Variants in PIGK observed in about 807,000 individuals in gnomAD.
The protein encoded by PIGK is phosphatidylinositol glycan anchor biosynthesis class K.
PIGK carries 42 observed loss-of-function variants against 50.6 expected under a neutral mutation model. The ratio of observed to expected loss-of-function variants is 0.83; its 90% CI spans 0.65 to 1.07. The LOEUF (loss-of-function observed/expected upper bound fraction) is 1.07. Among genes scored for constraint, PIGK ranks in the 50% least tolerant of loss-of-function variants. PIGK has a pLI of 0.00. For missense variants in PIGK, 448 were observed against 488.7 expected (o/e 0.92, Z 0.78); for synonymous variants, 151 against 156.0 (o/e 0.97, Z 0.24).
rs140330532 is a variant in PIGK, at chr1:77,137,223, G to A, written c.987-14864C>T. Among the ~76,000 whole-genome samples, 4 of 152,312 alleles carry A rather than the reference G, an allele frequency of 2.6e-5. No individual in the cohort carries two copies. The East Asian group carries it at 7.7e-4, about 29-fold the overall frequency. On this transcript the variant is annotated intron_variant, in intron 9 of 10. Coordinates refer to ENST00000370812, the MANE Select transcript of PIGK (RefSeq NM_005482.3). ...TCAACATCAAAAGCCCCAGAAATGT[G>A]AGATAGTATAGCCAAAATCAGAAGT...
At chr1:77,130,156 C>G (rs556880136) in intron 9 of PIGK, among the ~76,000 whole-genome samples, 1 of 141,008 alleles carries the variant, frequency 7.1e-6, no homozygotes, top group African/African-American at 2.6e-5. Flanking sequence ...CGTCACCACA[C>G]TTTTTCTTCT....
intron 6 of PIGK, among the ~76,000 whole-genome samples, chr1:77,162,799 G>A (rs1205889467): frequency 6.6e-6 from 1 of 152,104 alleles, no homozygotes; most frequent in Non-Finnish European, 1.5e-5. Context: ...TTTGTTCTGT[G>A]GCAAAATATG....
At chr1:77,167,011 CCAAGTAACT>C (rs1655250465) in intron 4 of PIGK, among the ~76,000 whole-genome samples, 181 bp from the exon 5 acceptor site, 1 of 152,168 alleles carries the variant, frequency 6.6e-6, no homozygotes, top group Non-Finnish European at 1.5e-5. Context: ...ACATATACCT[CCAAGTAACT>C]TTGTTACTAT....
At chr1:77,185,040 C>G (rs965647849) in intron 3 of PIGK, among the ~76,000 whole-genome samples, 1 of 152,148 alleles carries the variant, frequency 6.6e-6, no homozygotes, top group Non-Finnish European at 1.5e-5. Flanking sequence ...AACCAAGTGG[C>G]GACTCCAATT....
chr1:77,191,120 G>T lies in PIGK; in HGVS notation c.239+15520C>A, dbSNP rs1264345754. ...CCTCAGGCTTATAATTCAAATCTGT[G>T]CATTACATTACCAAAATTACAAGTT... On this transcript the variant is annotated intron_variant, in intron 3 of 10. Transcript: ENST00000370812. Among the ~76,000 whole-genome samples, 3 of 152,108 alleles carry T rather than the reference G, an allele frequency of 2.0e-5. No individual in the cohort carries two copies. The East Asian group carries it at 5.8e-4, about 29-fold the overall frequency.
chr1:77,195,194 T>A, intron 3 of PIGK: 1 of 1,191,304 alleles, frequency 8.4e-7, no homozygotes, highest in Admixed American at 1.7e-5. Flanking sequence ...TTCTTAACCG[T>A]GGGCGATGAG....
intron 3 of PIGK, chr1:77,195,511 G>T (rs961762724): frequency 1.9e-5 from 11 of 591,918 alleles, no homozygotes; most frequent in Non-Finnish European, 3.1e-5. Flanking sequence ...ACAGTTTTAC[G>T]GAAATTCAAG....
At chr1:77,130,746 G>A (rs1328176610) in intron 9 of PIGK, among the ~76,000 whole-genome samples, 2 of 151,962 alleles carry the variant, frequency 1.3e-5, no homozygotes, top group Non-Finnish European at 2.9e-5. Flanking sequence ...AGCTTATTAC[G>A]TTCCATGAAG....
chr1:77,192,202 G>A (rs1655924667), intron 3 of PIGK, among the ~76,000 whole-genome samples: 1 of 151,956 alleles, frequency 6.6e-6, no homozygotes, highest in South Asian at 2.1e-4. Flanking sequence ...AGAGTACTTT[G>A]CCACTGCTCT....
At chr1:77,190,242 C>CA (rs1354329587) in intron 3 of PIGK, among the ~76,000 whole-genome samples, 7 of 150,350 alleles carry the variant, frequency 4.7e-5, no homozygotes, top group Middle Eastern at 3.4e-3. Context: ...AAACAAAAAA[C>CA]AAAAAAAAAT....
intron 3 of PIGK, among the ~76,000 whole-genome samples, chr1:77,177,561 T>C (rs754755655): frequency 6.6e-6 from 1 of 152,208 alleles, no homozygotes; most frequent in Admixed American, 6.5e-5. Context: ...ATAAAAACAA[T>C]GCTTATCACT....
chr1:77,094,590 TA>T (rs1435043848), intron 10 of PIGK, among the ~76,000 whole-genome samples: 4 of 152,178 alleles, frequency 2.6e-5, no homozygotes, highest in Admixed American at 2.0e-4. Flanking sequence ...GCAGCTGTAA[TA>T]ACTCCAGTTA....
At chr1:77,152,257 ACT>A (rs1181947053) in intron 9 of PIGK, among the ~76,000 whole-genome samples, 1 of 152,044 alleles carries the variant, frequency 6.6e-6, no homozygotes, top group Non-Finnish European at 1.5e-5. Flanking sequence ...GGGAAAGGAC[ACT>A]CTGTTTAATA....
intron 3 of PIGK, among the ~76,000 whole-genome samples, chr1:77,196,832 C>A (rs1570257259): frequency 6.6e-6 from 1 of 152,020 alleles, no homozygotes; most frequent in African/African-American, 2.4e-5. Context: ...TTAGGTACAA[C>A]CTGTCAACTT....
intron 2 of PIGK, 85 bp downstream of exon 2, chr1:77,210,351 T>C: frequency 1.4e-6 from 1 of 716,620 alleles, no homozygotes; most frequent in Non-Finnish European, 2.2e-6. Flanking sequence ...AAAAATAAAT[T>C]GTATTTTCAA....
intron 3 of PIGK, among the ~76,000 whole-genome samples, chr1:77,194,076 G>GA (rs1655974395): frequency 6.6e-6 from 1 of 150,588 alleles, no homozygotes; most frequent in Non-Finnish European, 1.5e-5. Context: ...ACAAACATAG[G>GA]AAAAAATGCT....
chr1:77,138,419 A>C (rs541565260), intron 9 of PIGK, among the ~76,000 whole-genome samples: 1 of 152,252 alleles, frequency 6.6e-6, no homozygotes, highest in African/African-American at 2.4e-5. Context: ...TGTTTGGTTA[A>C]TACTCATAAG....
At chr1:77,132,590 T>C (rs1034339067) in intron 9 of PIGK, among the ~76,000 whole-genome samples, 6 of 152,038 alleles carry the variant, frequency 3.9e-5, no homozygotes, top group African/African-American at 1.4e-4. Context: ...ATGGTGGGGT[T>C]TTTTGTCTGA....
intron 3 of PIGK, among the ~76,000 whole-genome samples, chr1:77,201,030 C>T (rs1268924290): frequency 6.6e-6 from 1 of 152,040 alleles, no homozygotes; most frequent in Non-Finnish European, 1.5e-5. Context: ...AAGGAATTAC[C>T]ATACAGTAAG....
Sources: gnomAD v4.1 joint callset for allele counts (sites outside exome capture counted in the v4.1 genomes callset) on GRCh38, gnomAD v4.1.1 for gene constraint, MANE v1.5 for transcripts, NCBI Gene and HGNC (gene_info 2026-07-23, HGNC 2026-07-21) for gene names.